The following PCDH11Y variants were observed in gnomAD, a reference collection of about 807,000 sequenced individuals.
PCDH11Y encodes protocadherin-11 Y-linked.
For missense variants in PCDH11Y, 12 were observed against 224.8 expected, an observed-to-expected ratio of 0.05 and a Z score of 6.05; for synonymous variants, 9 against 83.6, an observed-to-expected ratio of 0.11 and a Z score of 4.87.
chrY:5,369,892 T>C, intron 2 of PCDH11Y, among the ~76,000 whole-genome samples: 1 of 32,896 alleles, frequency 3.0e-5, no homozygotes, highest in African/African-American at 1.2e-4. Flanking sequence ...ACAGTTATTC[T>C]TCTAAGTATA....
chrY:5,108,070 A>C, downstream of PCDH11Y, among the ~76,000 whole-genome samples: 1 of 25,652 alleles, frequency 3.9e-5, no homozygotes, highest in South Asian at 7.3e-4. Flanking sequence ...AAAAAAAAAA[A>C]AAAACAAAAA....
intron 2 of PCDH11Y, among the ~76,000 whole-genome samples, chrY:5,308,637 G>T (rs2053092958): frequency 3.0e-5 from 1 of 33,078 alleles, no homozygotes; most frequent in East Asian, 8.1e-4. Flanking sequence ...ACTTCAGCCT[G>T]GGCAACAGAG....
chrY:5,614,597 C>G, intron 4 of PCDH11Y, among the ~76,000 whole-genome samples: 1 of 31,511 alleles, frequency 3.2e-5, no homozygotes, highest in Non-Finnish European at 7.6e-5. Flanking sequence ...AACACACAGT[C>G]GCAGTCAATT....
intron 4 of PCDH11Y, among the ~76,000 whole-genome samples, chrY:5,623,616 C>A: frequency 3.0e-5 from 1 of 33,189 alleles, no homozygotes; most frequent in Non-Finnish European, 7.4e-5. Context: ...CTGCAAAGGT[C>A]ACAATCTCAC....
chrY:5,271,461 C>G (rs2053036408), intron 2 of PCDH11Y, among the ~76,000 whole-genome samples: 1 of 31,186 alleles, frequency 3.2e-5, no homozygotes, highest in Non-Finnish European at 8.0e-5. Flanking sequence ...ACATACTTTC[C>G]CATGGGATTA....
chrY:5,726,694 C>T, intron 4 of PCDH11Y, among the ~76,000 whole-genome samples: 2 of 32,912 alleles, frequency 6.1e-5, no homozygotes, highest in Non-Finnish European at 1.5e-4. Flanking sequence ...TATCATTTTC[C>T]AGTGAAAATG....
chrY:5,452,892 T>C, intron 2 of PCDH11Y, among the ~76,000 whole-genome samples: 1 of 33,568 alleles, frequency 3.0e-5, no homozygotes. Flanking sequence ...CTGGTTGGTG[T>C]CCTGAAGCTC....
intron 2 of PCDH11Y, among the ~76,000 whole-genome samples, chrY:5,291,396 T>A: frequency 2.9e-5 from 1 of 33,993 alleles, no homozygotes; most frequent in African/African-American, 1.1e-4. Context: ...CACTTCTTCC[T>A]TTAAATTTGG....
At chrY:5,392,341 A>G (rs2124676040) in intron 2 of PCDH11Y, among the ~76,000 whole-genome samples, 3 of 24,998 alleles carry the variant, frequency 1.2e-4, no homozygotes, top group African/African-American at 5.2e-4. Flanking sequence ...CTGCACTCCA[A>G]CCTGGGAGAC....
At chrY:5,267,847 G>T in intron 2 of PCDH11Y, among the ~76,000 whole-genome samples, 2 of 33,996 alleles carry the variant, frequency 5.9e-5, no homozygotes, top group African/African-American at 2.3e-4. Context: ...TGCAATTAGT[G>T]ATCTTAGCTT....
At chrY:5,645,120 G>A in intron 4 of PCDH11Y, among the ~76,000 whole-genome samples, 4 of 32,360 alleles carry the variant, frequency 1.2e-4, no homozygotes, top group Admixed American at 1.1e-3. Flanking sequence ...GATTAAACAC[G>A]GAGTGCTACA....
At chrY:5,499,431 A>G (rs2124687809) in intron 2 of PCDH11Y, among the ~76,000 whole-genome samples, 1 of 32,704 alleles carries the variant, frequency 3.1e-5, no homozygotes, top group Admixed American at 2.9e-4. Flanking sequence ...TATTACATGC[A>G]TTAGTCATTT....
intron 3 of PCDH11Y, among the ~76,000 whole-genome samples, chrY:5,579,577 G>A: frequency 3.1e-5 from 1 of 32,440 alleles, no homozygotes; most frequent in African/African-American, 1.2e-4. Context: ...TAACTTGTGA[G>A]ATATGTTCAT....
intron 3 of PCDH11Y, among the ~76,000 whole-genome samples, chrY:5,534,456 T>C: frequency 3.0e-5 from 1 of 33,605 alleles, no homozygotes; most frequent in South Asian, 6.5e-4. Context: ...TGGTATTTGG[T>C]TTTCTGTTTC....
intron 3 of PCDH11Y, among the ~76,000 whole-genome samples, chrY:5,511,408 A>T: frequency 3.0e-5 from 1 of 33,564 alleles, no homozygotes; most frequent in African/African-American, 1.2e-4. Flanking sequence ...TTTGCAAAAC[A>T]GCTTAACTTA....
chrY:5,384,767 A>G, intron 2 of PCDH11Y, among the ~76,000 whole-genome samples: 2 of 31,387 alleles, frequency 6.4e-5, no homozygotes, highest in African/African-American at 2.5e-4. Context: ...ACAGATTAAA[A>G]TGTGGAGTGA....
At chrY:5,328,749 G>C (rs2124667050) in intron 2 of PCDH11Y, among the ~76,000 whole-genome samples, 1 of 32,259 alleles carries the variant, frequency 3.1e-5, no homozygotes, top group Non-Finnish European at 7.6e-5. Context: ...CAGGTGTGAG[G>C]AGGGGAGGCG....
intron 2 of PCDH11Y, among the ~76,000 whole-genome samples, chrY:5,237,732 T>C: frequency 3.0e-5 from 1 of 33,172 alleles, no homozygotes; most frequent in African/African-American, 1.2e-4. Flanking sequence ...AGTCTCGGGA[T>C]ACAAAATCAA....
intron 3 of PCDH11Y, among the ~76,000 whole-genome samples, chrY:5,530,092 A>C: frequency 3.1e-5 from 1 of 31,787 alleles, no homozygotes; most frequent in Non-Finnish European, 7.7e-5. Flanking sequence ...TTTTTTTTTT[A>C]GTTTAACATT....
Sources: gnomAD v4.1 joint callset for allele counts (sites outside exome capture counted in the v4.1 genomes callset) on GRCh38, gnomAD v4.1.1 for gene constraint, MANE v1.5 for transcripts, NCBI Gene and HGNC (gene_info 2026-07-23, HGNC 2026-07-21) for gene names.